AOPEP: variants seen among roughly 807,000 people sequenced by gnomAD.
The protein encoded by AOPEP is aminopeptidase O (putative).
A neutral mutation model predicts 98.1 loss-of-function variants in AOPEP; 77 were observed. That is an observed-to-expected ratio of 0.78 (90% CI 0.65 to 0.95). The LOEUF (loss-of-function observed/expected upper bound fraction) is 0.95. Ranked by LOEUF, AOPEP falls within the 40% of genes least tolerant of loss-of-function variation. AOPEP has a pLI of 0.00. For missense variants in AOPEP, 1,024 were observed against 1,024.7 expected (o/e 1.00, Z 0.01); for synonymous variants, 346 against 365.3 (o/e 0.95, Z 0.60).
the AOPEP span, chr9:95,101,444 C>T: frequency 4.7e-5 from 25 of 529,714 alleles, no homozygotes; most frequent in East Asian, 5.1e-4. Context: ...ATCAAGCTGA[C>T]GGTCTGGCCG....
At chr9:94,916,573 C>T (rs1359607748) in intron 5 of AOPEP, among the ~76,000 whole-genome samples, 1 of 151,672 alleles carries the variant, frequency 6.6e-6, no homozygotes, top group Non-Finnish European at 1.5e-5. Flanking sequence ...CATGGTGGGG[C>T]ACACCTGTAG....
chr9:94,883,658 G>A (rs3886567), intron 5 of AOPEP, among the ~76,000 whole-genome samples: 3,264 of 152,318 alleles, frequency 0.021, 89 homozygotes, highest in African/African-American at 0.057. Flanking sequence ...GGATTTAACA[G>A]TATAGATCAT....
intron 3 of AOPEP, among the ~76,000 whole-genome samples, chr9:94,786,511 G>A (rs1844459117): frequency 6.6e-6 from 1 of 152,144 alleles, no homozygotes; most frequent in South Asian, 2.1e-4. Context: ...GCTTTCTGGG[G>A]CAGTATTTCC....
At chr9:94,754,637 T>C (rs389365) in intron 1 of AOPEP, among the ~76,000 whole-genome samples, 33,119 of 152,092 alleles carry the variant, frequency 0.22, 5,080 homozygotes, top group African/African-American at 0.43. Context: ...TACCTTTGGA[T>C]GGCAATTCCA....
intron 1 of AOPEP, among the ~76,000 whole-genome samples, chr9:94,751,907 T>C (rs1835879699): frequency 6.6e-6 from 1 of 150,574 alleles, no homozygotes; most frequent in Admixed American, 6.6e-5. Flanking sequence ...TTTTTTTTTT[T>C]TTTGAGAAAG....
At chr9:94,803,545 C>T (rs1437652500) in intron 5 of AOPEP, among the ~76,000 whole-genome samples, 1 of 152,122 alleles carries the variant, frequency 6.6e-6, no homozygotes, top group Non-Finnish European at 1.5e-5. Flanking sequence ...TCTGATATTT[C>T]AGTGAAGTGA....
chr9:95,122,339 T>C, the AOPEP span, among the ~76,000 whole-genome samples: 1 of 152,096 alleles, frequency 6.6e-6, no homozygotes, highest in African/African-American at 2.4e-5. Context: ...ATGAAGGGTT[T>C]TGATTAGCTA....
chr9:94,821,201 G>A (rs1853032682), intron 5 of AOPEP, among the ~76,000 whole-genome samples: 1 of 152,106 alleles, frequency 6.6e-6, no homozygotes, highest in Non-Finnish European at 1.5e-5. Context: ...TTTAGGTGGT[G>A]CCTTGGCGTT....
In AOPEP at chr9:94,818,549, G is replaced by GT. The variant is rs1564190277; in HGVS notation, c.1364+17551dup. On this transcript the variant is annotated intron_variant, in intron 5 of 16. Transcript: ENST00000375315. ...AGAGCAGCACCTACATTTTTGTTAG[G>GT]TTTTCCTTCAAGGCTGTAGCTTGAA... 2.6e-5 allele frequency among the ~76,000 whole-genome samples: 4 copies of GT among 152,256 alleles called. No individual in the cohort carries two copies. The South Asian group carries it at 8.3e-4, about 32-fold the overall frequency.
chr9:94,997,797 G>A (rs985797637), intron 11 of AOPEP, among the ~76,000 whole-genome samples: 6 of 152,266 alleles, frequency 3.9e-5, no homozygotes, highest in Middle Eastern at 3.4e-3. Flanking sequence ...GGGCTCAAGC[G>A]ATACTTCTGC....
intron 14 of AOPEP, among the ~76,000 whole-genome samples, chr9:95,074,684 T>C (rs2068855757): frequency 6.6e-6 from 1 of 152,206 alleles, no homozygotes; most frequent in African/African-American, 2.4e-5. Flanking sequence ...AAAAGTCAAC[T>C]TCACTGTGAT....
At chr9:95,027,981 C>G (rs1211723048) in intron 13 of AOPEP, among the ~76,000 whole-genome samples, 2 of 152,192 alleles carry the variant, frequency 1.3e-5, no homozygotes, top group South Asian at 4.1e-4. Context: ...CCCTTTGGGT[C>G]TCAGCAGAAT....
chr9:95,038,748 A>G (rs577023166), intron 13 of AOPEP, among the ~76,000 whole-genome samples: 2 of 152,292 alleles, frequency 1.3e-5, no homozygotes, highest in South Asian at 4.1e-4. Flanking sequence ...TAGAAGTTGT[A>G]CATCTTCTTA....
the AOPEP span, among the ~76,000 whole-genome samples, chr9:95,128,327 A>G: frequency 3.7e-4 from 56 of 152,384 alleles, no homozygotes; most frequent in African/African-American, 1.3e-3. Flanking sequence ...TGCCTATTGA[A>G]TAAGAGTGTT....
intron 13 of AOPEP, among the ~76,000 whole-genome samples, chr9:95,016,495 G>C (rs2063009695): frequency 6.6e-6 from 1 of 151,916 alleles, no homozygotes; most frequent in Non-Finnish European, 1.5e-5. Context: ...TACCCACTTT[G>C]GCCTCCCAAA....
At chr9:94,825,373 G>A (rs1187481560) in intron 5 of AOPEP, among the ~76,000 whole-genome samples, 2 of 152,194 alleles carry the variant, frequency 1.3e-5, no homozygotes, top group African/African-American at 2.4e-5. Context: ...CCACGTTGTC[G>A]AAGGCATCTC....
intron 13 of AOPEP, among the ~76,000 whole-genome samples, chr9:95,044,489 G>T (rs376935003): frequency 2.6e-5 from 4 of 152,166 alleles, no homozygotes; most frequent in Admixed American, 6.5e-5. Flanking sequence ...CTGTTGTATG[G>T]CAGAATAGCG....
chr9:95,081,019 C>T (rs1444615213), intron 15 of AOPEP: 8 of 515,858 alleles, frequency 1.6e-5, no homozygotes, highest in East Asian at 6.8e-5. Flanking sequence ...ACACGTCATC[C>T]GATGCTGCGT....
At chr9:94,895,506 C>T (rs1753137786) in intron 5 of AOPEP, among the ~76,000 whole-genome samples, 1 of 151,790 alleles carries the variant, frequency 6.6e-6, no homozygotes, top group African/African-American at 2.4e-5. Context: ...GACAAGGTAC[C>T]TACCATCACC....
Sources: allele counts gnomAD v4.1 joint callset (sites outside exome capture counted in the v4.1 genomes callset), GRCh38; gene constraint gnomAD v4.1.1; transcripts MANE v1.5; gene names NCBI Gene and HGNC (gene_info 2026-07-23, HGNC 2026-07-21).